Variants in MRPS31 observed in about 807,000 individuals in gnomAD.
The protein encoded by MRPS31 is small ribosomal subunit protein mS31.
Under a neutral mutation model 43.1 loss-of-function variants are expected in MRPS31, and 32 were observed. That is an observed-to-expected ratio of 0.74 (90% CI 0.56 to 1.00). MRPS31 has a LOEUF of 1.00. Among genes scored for constraint, MRPS31 ranks in the 50% least tolerant of loss-of-function variants. The pLI is 0.00. For missense variants in MRPS31, 437 were observed against 466.7 expected (o/e 0.94, Z 0.59); for synonymous variants, 165 against 161.6 (o/e 1.02, Z -0.16).
intron 6 of MRPS31, 96 bp downstream of exon 6, chr13:40,749,042 T>C (rs532184303): frequency 7.2e-5 from 92 of 1,274,948 alleles, no homozygotes; most frequent in Admixed American, 2.6e-4. Flanking sequence ...ACAAAAGGTT[T>C]TGAAATTCAT....
intron 2 of MRPS31, among the ~76,000 whole-genome samples, chr13:40,762,176 T>G (rs1171796223): frequency 6.6e-6 from 1 of 151,370 alleles, no homozygotes. Context: ...AGCCCAGAGG[T>G]AGAGGCGATT....
chr13:40,738,195 G>T (rs963998629), intron 6 of MRPS31, among the ~76,000 whole-genome samples: 2 of 151,176 alleles, frequency 1.3e-5, no homozygotes, highest in African/African-American at 4.8e-5. Flanking sequence ...TAGAAGAAAT[G>T]GATAAATTCC....
At chr13:40,734,070 A>G (rs569109851) in intron 6 of MRPS31, among the ~76,000 whole-genome samples, 7 of 152,140 alleles carry the variant, frequency 4.6e-5, no homozygotes, top group Admixed American at 1.3e-4. Flanking sequence ...TGGAGGTTGC[A>G]GTGAGCTAAG....
intron 4 of MRPS31, among the ~76,000 whole-genome samples, chr13:40,756,314 A>C (rs1382784092): frequency 6.6e-6 from 1 of 152,220 alleles, no homozygotes; most frequent in Admixed American, 6.5e-5. Flanking sequence ...TTTAGATTCT[A>C]AAATAACTAT....
intron 3 of MRPS31, among the ~76,000 whole-genome samples, chr13:40,757,978 T>C (rs1379677506): frequency 6.6e-6 from 1 of 151,032 alleles, no homozygotes; most frequent in East Asian, 2.0e-4. Flanking sequence ...CTGTCTCTAC[T>C]AAAAATACAA....
At position 40,749,205 on chromosome 13, in the gene MRPS31, T is replaced by C; in HGVS notation, c.891A>G (p.Gly297=). Residue 297 remains glycine (G), a synonymous_variant, in exon 6 of 7, where the codon GGA becomes GGG. Transcript: ENST00000323563. The part of the protein sequence containing the change: ...ATVNEQPLQN[G]FEELIQWTKE... ...TTGTCCACTGGATCAGCTCTTCAAATCCATTCTGAAGGGGTTGTTCATTTA... is the reference window on the plus strand; with the variant it reads ...TTGTCCACTGGATCAGCTCTTCAAACCCATTCTGAAGGGGTTGTTCATTTA... The C allele has an allele frequency of 6.2e-7, 1 of 1,601,994 alleles. No individual in the cohort carries two copies. Among genetic ancestry groups the C allele is most frequent in the Non-Finnish European group, 8.5e-7 (1 of 1,177,512 alleles).
chr13:40,734,586 T>C (rs1231461643), intron 6 of MRPS31, among the ~76,000 whole-genome samples: 1 of 152,188 alleles, frequency 6.6e-6, no homozygotes, highest in Non-Finnish European at 1.5e-5. Flanking sequence ...GAATATATAG[T>C]AATTTTTTGT....
intron 6 of MRPS31, among the ~76,000 whole-genome samples, chr13:40,744,254 G>A (rs575958770): frequency 9.9e-5 from 15 of 152,212 alleles, no homozygotes; most frequent in South Asian, 2.1e-4. Flanking sequence ...CAGGTATTAC[G>A]CTGATTACCT....
chr13:40,761,398 T>TTTGAAATTTTGTGAA (rs1376513309), intron 2 of MRPS31, among the ~76,000 whole-genome samples: 3 of 152,248 alleles, frequency 2.0e-5, no homozygotes, highest in African/African-American at 7.2e-5. Flanking sequence ...CTTGTGAACT[T>TTTGAAATTTTGTGAA]CATTTTCAAA....
intron 3 of MRPS31, among the ~76,000 whole-genome samples, chr13:40,758,305 T>A (rs1235863846): frequency 6.6e-6 from 1 of 152,202 alleles, no homozygotes; most frequent in Non-Finnish European, 1.5e-5. Context: ...GTGTTCCTCT[T>A]GTCTTAGCCT....
At chr13:40,766,535 TC>T (rs1171539592) in intron 2 of MRPS31, among the ~76,000 whole-genome samples, 1 of 152,072 alleles carries the variant, frequency 6.6e-6, no homozygotes, top group Non-Finnish European at 1.5e-5. Flanking sequence ...CCTCAAGTGA[TC>T]CGCCCGCCTC....
At chr13:40,743,784 C>T (rs1593445124) in intron 6 of MRPS31, among the ~76,000 whole-genome samples, 1 of 152,184 alleles carries the variant, frequency 6.6e-6, no homozygotes, top group Admixed American at 6.5e-5. Context: ...CTGTGGAAAG[C>T]AGTCTGGAGA....
chr13:40,758,253 C>T (rs1299922629), intron 3 of MRPS31, among the ~76,000 whole-genome samples: 2 of 151,922 alleles, frequency 1.3e-5, no homozygotes, highest in Non-Finnish European at 2.9e-5. Flanking sequence ...GAGATGGGGT[C>T]TTGCTTTTCT....
chr13:40,729,975 C>T (rs1426631279), intron 6 of MRPS31, among the ~76,000 whole-genome samples: 1 of 151,840 alleles, frequency 6.6e-6, no homozygotes, highest in African/African-American at 2.4e-5. Context: ...AGTTATCTGC[C>T]CGCCTCGGCC....
chr13:40,730,602 C>A (rs898607090), intron 6 of MRPS31, among the ~76,000 whole-genome samples: 5 of 152,144 alleles, frequency 3.3e-5, no homozygotes, highest in Admixed American at 2.6e-4. Context: ...CTCTTGTCGC[C>A]CAGGCTGGAG....
chr13:40,748,182 A>AG (rs937493671), intron 6 of MRPS31, among the ~76,000 whole-genome samples: 6 of 152,266 alleles, frequency 3.9e-5, no homozygotes, highest in Non-Finnish European at 8.8e-5. Flanking sequence ...TTTGAAATGG[A>AG]GTTTCACTCT....
intron 2 of MRPS31, among the ~76,000 whole-genome samples, chr13:40,760,413 T>C (rs1220207149): frequency 6.6e-6 from 1 of 151,970 alleles, no homozygotes; most frequent in Admixed American, 6.6e-5. Flanking sequence ...AAGTAGGAGA[T>C]GGAAAGTGGG....
At chr13:40,755,382 AAG>A (rs1469327868) in intron 4 of MRPS31, among the ~76,000 whole-genome samples, 1 of 152,236 alleles carries the variant, frequency 6.6e-6, no homozygotes, top group Non-Finnish European at 1.5e-5. Context: ...ACGTACTACA[AAG>A]AGAGGGAATG....
chr13:40,765,978 T>C (rs1284786395), intron 2 of MRPS31, among the ~76,000 whole-genome samples: 2 of 152,244 alleles, frequency 1.3e-5, no homozygotes, highest in African/African-American at 4.8e-5. Context: ...CTGATAGGTA[T>C]TGATCAAGGG....
Sources: gnomAD v4.1 joint callset for allele counts (sites outside exome capture counted in the v4.1 genomes callset) on GRCh38, gnomAD v4.1.1 for gene constraint, MANE v1.5 for transcripts, NCBI Gene and HGNC (gene_info 2026-07-23, HGNC 2026-07-21) for gene names.